Variants in ANO4 observed in about 807,000 individuals in gnomAD.
ANO4 encodes anoctamin-4.
A neutral mutation model predicts 141.9 loss-of-function variants in ANO4; 69 were observed. The ratio of observed to expected loss-of-function variants is 0.49; its 90% CI spans 0.40 to 0.59. The LOEUF (loss-of-function observed/expected upper bound fraction) is 0.59. Ranked by LOEUF, ANO4 falls within the 20% of genes least tolerant of loss-of-function variation. The pLI, the probability that ANO4 is intolerant of heterozygous loss-of-function variation, is 0.00. For missense variants in ANO4, 894 were observed against 1,162.2 expected, an observed-to-expected ratio of 0.77 and a Z score of 3.36; for synonymous variants, 350 against 394.3, an observed-to-expected ratio of 0.89 and a Z score of 1.33.
chr12:100,825,070 T>G (rs2036258231), intron 1 of ANO4, among the ~76,000 whole-genome samples: 1 of 152,104 alleles, frequency 6.6e-6, no homozygotes, highest in South Asian at 2.1e-4. Flanking sequence ...AATTATCTTT[T>G]TACCGTGGTA....
intron 15 of ANO4, 25 bp downstream of exon 15, chr12:101,079,300 T>C (rs756451368): frequency 8.1e-6 from 13 of 1,595,992 alleles, no homozygotes; most frequent in East Asian, 2.3e-5. Flanking sequence ...CCTCAGAATG[T>C]TGTAAAAAGC....
At chr12:100,980,754 A>T (rs1351428725) in intron 7 of ANO4, among the ~76,000 whole-genome samples, 1 of 152,162 alleles carries the variant, frequency 6.6e-6, no homozygotes, top group Non-Finnish European at 1.5e-5. Context: ...TCAGACATGG[A>T]TTTTTGGAGT....
chr12:101,056,297 G>A (rs1036422183), intron 14 of ANO4, among the ~76,000 whole-genome samples: 1 of 152,094 alleles, frequency 6.6e-6, no homozygotes, highest in Non-Finnish European at 1.5e-5. Context: ...TATTTTCAAT[G>A]TACAAGGCTT....
At chr12:100,929,782 C>G (rs2042016023) in intron 3 of ANO4, among the ~76,000 whole-genome samples, 1 of 152,108 alleles carries the variant, frequency 6.6e-6, no homozygotes, top group African/African-American at 2.4e-5. Flanking sequence ...GTTGTTATTG[C>G]CTGTCTTTTA....
intron 1 of ANO4, among the ~76,000 whole-genome samples, chr12:100,899,709 G>C (rs2040501256): frequency 6.6e-6 from 1 of 152,212 alleles, no homozygotes; most frequent in Non-Finnish European, 1.5e-5. Context: ...CATGACCTAT[G>C]ATTGGTGATT....
intron 1 of ANO4, among the ~76,000 whole-genome samples, chr12:100,730,476 C>G (rs757680571): frequency 6.6e-6 from 1 of 152,210 alleles, no homozygotes; most frequent in African/African-American, 2.4e-5. Context: ...TCTCTTTGAT[C>G]ACAGCAACCT....
intron 1 of ANO4, among the ~76,000 whole-genome samples, chr12:100,854,062 C>T (rs2038032752): frequency 6.6e-6 from 1 of 152,130 alleles, no homozygotes; most frequent in Admixed American, 6.5e-5. Flanking sequence ...CTTTTATGGA[C>T]AGTTCTGAGT....
At chr12:101,071,634 C>T (rs1218175370) in intron 14 of ANO4, among the ~76,000 whole-genome samples, 2 of 152,144 alleles carry the variant, frequency 1.3e-5, no homozygotes, top group Non-Finnish European at 2.9e-5. Context: ...CTTGACAGCA[C>T]AACATGGGGA....
chr12:100,883,079 G>A (rs1017880538), intron 1 of ANO4, among the ~76,000 whole-genome samples: 4 of 152,140 alleles, frequency 2.6e-5, no homozygotes, highest in African/African-American at 9.7e-5. Context: ...GCCAAGCTGC[G>A]ACACAAGTAT....
upstream of ANO4, among the ~76,000 whole-genome samples, chr12:100,793,646 T>C (rs540398639): frequency 6.6e-6 from 1 of 152,124 alleles, no homozygotes; most frequent in Admixed American, 6.5e-5. Context: ...AAGGGAGTTA[T>C]CTTTTCTGCA....
intron 1 of ANO4, among the ~76,000 whole-genome samples, chr12:100,810,613 G>C (rs1376261995): frequency 6.6e-6 from 1 of 152,134 alleles, no homozygotes; most frequent in Admixed American, 6.6e-5. Flanking sequence ...TCTGGAGGTG[G>C]TGAGAGGTGG....
At chr12:100,747,127 G>A (rs1256813571) in intron 3 of ANO4, among the ~76,000 whole-genome samples, 5 of 152,092 alleles carry the variant, frequency 3.3e-5, no homozygotes, top group Non-Finnish European at 7.4e-5. Flanking sequence ...ATGTTTGCAG[G>A]CGAAATCACC....
chr12:100,735,088 C>A (rs17030496), intron 2 of ANO4, among the ~76,000 whole-genome samples: 5,217 of 152,236 alleles, frequency 0.034, 205 homozygotes, highest in Admixed American at 0.12. Flanking sequence ...TGCCACCTTT[C>A]TGAGTTCAAC....
intron 17 of ANO4, among the ~76,000 whole-genome samples, chr12:101,092,615 A>G (rs1485836559): frequency 6.6e-6 from 1 of 152,170 alleles, no homozygotes; most frequent in East Asian, 1.9e-4. Context: ...CCTTCAGCAT[A>G]TATATGAAGT....
At chr12:101,033,899 A>G (rs1297068874) in intron 9 of ANO4, among the ~76,000 whole-genome samples, 1 of 152,226 alleles carries the variant, frequency 6.6e-6, no homozygotes. Context: ...GCTCAACATC[A>G]CTGATTATTA....
chr12:100,997,771 T>C (rs919541750), intron 8 of ANO4, among the ~76,000 whole-genome samples: 3 of 152,140 alleles, frequency 2.0e-5, no homozygotes, highest in African/African-American at 4.8e-5. Flanking sequence ...AATGGGTTGC[T>C]TTTTGACTCT....
intron 3 of ANO4, among the ~76,000 whole-genome samples, chr12:100,924,556 T>A (rs1269911181): frequency 2.0e-5 from 3 of 152,238 alleles, no homozygotes; most frequent in African/African-American, 7.2e-5. Context: ...GATCAGCTAT[T>A]TATTCCGGTT....
intron 5 of ANO4, among the ~76,000 whole-genome samples, chr12:100,960,009 A>G (rs2043343940): frequency 6.6e-6 from 1 of 152,130 alleles, no homozygotes; most frequent in African/African-American, 2.4e-5. Context: ...CCCAGATAAC[A>G]GAAGCTGCAT....
chr12:100,896,249 A>T (rs1410352354), intron 1 of ANO4, among the ~76,000 whole-genome samples: 1 of 152,164 alleles, frequency 6.6e-6, no homozygotes, highest in Non-Finnish European at 1.5e-5. Flanking sequence ...ATTATCCTCC[A>T]TTATCCAGGT....
Sources: gnomAD v4.1 joint callset for allele counts (sites outside exome capture counted in the v4.1 genomes callset) on GRCh38, gnomAD v4.1.1 for gene constraint, MANE v1.5 for transcripts, NCBI Gene and HGNC (gene_info 2026-07-23, HGNC 2026-07-21) for gene names.